The following DIS3L2 variants were observed in gnomAD, a reference collection of about 807,000 sequenced individuals.
DIS3L2 encodes the protein DIS3 like 3'-5' exoribonuclease 2.
In DIS3L2, 34 loss-of-function variants were observed where a neutral mutation model predicts 97.5. That is an observed-to-expected ratio of 0.35 (90% CI 0.27 to 0.46). The LOEUF is 0.46. Among genes scored for constraint, DIS3L2 ranks in the 20% least tolerant of loss-of-function variants. The probability of loss-of-function intolerance (pLI) is 1.00; values close to 1 mark genes in which losing one functional copy is unlikely to be tolerated. For missense variants in DIS3L2, 1,038 were observed against 1,146.0 expected, an observed-to-expected ratio of 0.91 and a Z score of 1.36; for synonymous variants, 435 against 445.2, an observed-to-expected ratio of 0.98 and a Z score of 0.29.
At chr2:232,084,329 T>A (rs2106303740) in intron 5 of DIS3L2, among the ~76,000 whole-genome samples, 1 of 152,278 alleles carries the variant, frequency 6.6e-6, no homozygotes, top group Middle Eastern at 3.4e-3. Context: ...AAGTGTTTTT[T>A]TTGGGTTTGG....
chr2:232,018,112 A>G (rs1332582649), intron 3 of DIS3L2, among the ~76,000 whole-genome samples: 2 of 152,246 alleles, frequency 1.3e-5, no homozygotes, highest in African/African-American at 4.8e-5. Context: ...AGAACTTGAA[A>G]GAAAACTAGC....
At chr2:232,343,342 C>A in intron 13 of DIS3L2, 1 of 1,554,674 alleles carries the variant, frequency 6.4e-7, no homozygotes. Context: ...GAAAAGGGCC[C>A]AGCAGAACGC....
At chr2:232,173,078 C>G (rs1286474935) in intron 9 of DIS3L2, among the ~76,000 whole-genome samples, 3 of 152,136 alleles carry the variant, frequency 2.0e-5, no homozygotes, top group Non-Finnish European at 4.4e-5. Context: ...TACTTGTGGG[C>G]TGGCTATCTT....
Position 232,286,356 on chromosome 2 carries a change from A to G in DIS3L2, c.1660-13684A>G, listed in dbSNP as rs936532530. Among the ~76,000 whole-genome samples the G allele has an allele frequency of 5.3e-5, 8 of 152,302 alleles. No individual in the cohort carries two copies. The South Asian group carries it at 1.2e-3, about 24-fold the overall frequency. On this transcript the variant is annotated intron_variant, in intron 13 of 20. Transcript: ENST00000325385. ...TGGTAGTGGGGCTGCTGAGGCAGAC[A>G]GCAAGGCTTTGAAGCATTGTATCTT...
chr2:232,073,400 G>A (rs1036946129), intron 5 of DIS3L2, among the ~76,000 whole-genome samples: 4 of 152,108 alleles, frequency 2.6e-5, no homozygotes, highest in African/African-American at 7.2e-5. Context: ...AGCCATTTCC[G>A]CGGAAAATGT....
intron 5 of DIS3L2, among the ~76,000 whole-genome samples, chr2:232,082,375 C>T (rs1232734911): frequency 1.3e-5 from 2 of 152,156 alleles, no homozygotes; most frequent in African/African-American, 2.4e-5. Context: ...GGAACTGGAC[C>T]ACACAGCAGG....
intron 6 of DIS3L2, among the ~76,000 whole-genome samples, chr2:232,096,748 C>T (rs530644147): frequency 3.1e-4 from 47 of 152,106 alleles, no homozygotes; most frequent in African/African-American, 1.1e-3. Flanking sequence ...CATTTTTCAG[C>T]TCCAGATTTT....
intron 1 of DIS3L2, among the ~76,000 whole-genome samples, chr2:232,001,211 C>A (rs1693891927): frequency 6.6e-6 from 1 of 152,264 alleles, no homozygotes; most frequent in South Asian, 2.1e-4. Context: ...TCCTTGCTAA[C>A]ACTTGTTATC....
intron 10 of DIS3L2, among the ~76,000 whole-genome samples, chr2:232,216,120 G>A (rs1410507700): frequency 6.6e-6 from 1 of 152,224 alleles, no homozygotes; most frequent in African/African-American, 2.4e-5. Context: ...TGGAAGAGTT[G>A]TCTTTACTTG....
chr2:232,099,829 C>T (rs957361564), intron 6 of DIS3L2, among the ~76,000 whole-genome samples: 4 of 152,324 alleles, frequency 2.6e-5, no homozygotes, highest in Admixed American at 6.5e-5. Flanking sequence ...TTTATCCATT[C>T]AACTTTATTA....
At chr2:232,313,731 G>C (rs1025448782) in intron 14 of DIS3L2, among the ~76,000 whole-genome samples, 1 of 152,152 alleles carries the variant, frequency 6.6e-6, no homozygotes, top group African/African-American at 2.4e-5. Context: ...AGACATACCT[G>C]AGACTGGGCA....
intron 13 of DIS3L2, among the ~76,000 whole-genome samples, chr2:232,297,683 G>A (rs1694755660): frequency 1.3e-5 from 2 of 149,774 alleles, no homozygotes; most frequent in Admixed American, 1.4e-4. Context: ...TTGCTGTTTA[G>A]GTATGTTCCT....
intron 9 of DIS3L2, among the ~76,000 whole-genome samples, chr2:232,183,599 T>C (rs1056704714): frequency 1.3e-5 from 2 of 152,200 alleles, no homozygotes; most frequent in Non-Finnish European, 2.9e-5. Flanking sequence ...CAGGAATGTG[T>C]CAGACCTTTT....
At chr2:232,249,857 A>G (rs1250007438) in intron 12 of DIS3L2, among the ~76,000 whole-genome samples, 1 of 152,236 alleles carries the variant, frequency 6.6e-6, no homozygotes, top group Non-Finnish European at 1.5e-5. Context: ...GTGCATCGTC[A>G]TGCTGGATGA....
intron 8 of DIS3L2, among the ~76,000 whole-genome samples, chr2:232,156,003 A>C (rs929780524): frequency 5.3e-5 from 8 of 151,854 alleles, no homozygotes; most frequent in Non-Finnish European, 8.8e-5. Flanking sequence ...AAAAAAAAAA[A>C]GTTTTCTATT....
intron 8 of DIS3L2, among the ~76,000 whole-genome samples, chr2:232,157,715 G>A (rs959911622): frequency 6.6e-6 from 1 of 152,178 alleles, no homozygotes; most frequent in Non-Finnish European, 1.5e-5. Flanking sequence ...TGGCATGGCT[G>A]TGTATCAGGT....
intron 1 of DIS3L2, among the ~76,000 whole-genome samples, chr2:232,002,368 A>G (rs979000021): frequency 2.6e-5 from 4 of 152,072 alleles, no homozygotes; most frequent in Non-Finnish European, 5.9e-5. Context: ...GTGATTCTAT[A>G]TGAATTTTAG....
At chr2:232,246,314 A>G (rs1693246705) in intron 11 of DIS3L2, among the ~76,000 whole-genome samples, 1 of 152,218 alleles carries the variant, frequency 6.6e-6, no homozygotes, top group African/African-American at 2.4e-5. Context: ...GCCAGATGTA[A>G]AATGTCCAGA....
At chr2:232,194,154 G>C (rs1000382005) in intron 9 of DIS3L2, among the ~76,000 whole-genome samples, 9 of 151,778 alleles carry the variant, frequency 5.9e-5, no homozygotes, top group African/African-American at 2.2e-4. Flanking sequence ...GTAAATATTT[G>C]TTATCTCTAC....
Sources: gnomAD v4.1 joint callset for allele counts (sites outside exome capture counted in the v4.1 genomes callset) on GRCh38, gnomAD v4.1.1 for gene constraint, MANE v1.5 for transcripts, NCBI Gene and HGNC (gene_info 2026-07-23, HGNC 2026-07-21) for gene names.